Variants in BABAM2 observed in about 807,000 individuals in gnomAD.
BABAM2 encodes the protein BRISC and BRCA1 A complex member 2.
Under a neutral mutation model 54.7 loss-of-function variants are expected in BABAM2, and 31 were observed. That is an observed-to-expected ratio of 0.57 (90% CI 0.43 to 0.77). The LOEUF is 0.77. BABAM2 is among the 30% of genes least tolerant of loss of function. The pLI is 0.00. For missense variants in BABAM2, 364 were observed against 455.8 expected, an observed-to-expected ratio of 0.80 and a Z score of 1.83; for synonymous variants, 167 against 162.9, an observed-to-expected ratio of 1.03 and a Z score of -0.19.
At chr2:28,095,571 A>C (rs940826195) in intron 6 of BABAM2, among the ~76,000 whole-genome samples, 2 of 152,208 alleles carry the variant, frequency 1.3e-5, no homozygotes, top group African/African-American at 2.4e-5. Flanking sequence ...TCAACGTAAA[A>C]AAACAAACAA....
At chr2:27,942,672 T>G (rs1027478436) in intron 3 of BABAM2, among the ~76,000 whole-genome samples, 3 of 151,718 alleles carry the variant, frequency 2.0e-5, no homozygotes, top group Non-Finnish European at 4.4e-5. Flanking sequence ...CCGGCCTTGG[T>G]TTCTTAATGT....
Position 28,154,243 on chromosome 2 carries a change from A to G in BABAM2, c.680+24863A>G, listed in dbSNP as rs1672335619. Among the ~76,000 whole-genome samples, 4 of 152,360 alleles carry G rather than the reference A, an allele frequency of 2.6e-5. No individual in the cohort carries two copies. In the South Asian group the frequency reaches 6.2e-4, roughly 24 times the overall value. On this transcript the variant is annotated intron_variant, in intron 7 of 11. Transcript: ENST00000379624. Reference sequence around the variant, plus strand: ...TTAAAACTGAAGGCCTTAAAGTGCCATATTAAACAAAATAGGCAACACCTT... The same window carrying G: ...TTAAAACTGAAGGCCTTAAAGTGCCGTATTAAACAAAATAGGCAACACCTT...
Position 28,325,598 on chromosome 2 carries a change from A to T in BABAM2, c.1089-12852A>T, listed in dbSNP as rs1289164350. Among the ~76,000 whole-genome samples, 2 of 152,080 alleles carry T rather than the reference A, an allele frequency of 1.3e-5. No individual in the cohort carries two copies. The highest frequency in any genetic ancestry group is 4.8e-5 in the African/African-American group (2 of 41,382). ...CCCATTGAGTAGTTTCTTCTTTGGG[A>T]ATTGCTGCTTTTCTGTCTGAAAGCC... On this transcript the variant is annotated intron_variant, in intron 11 of 11. Coordinates refer to ENST00000379624, the MANE Select transcript of BABAM2 (RefSeq NM_199191.3). This position sits in a 1 kb window ranked among gnomAD's most constrained non-coding sequence, Gnocchi z 4.3.
At position 27,930,171 on chromosome 2, in the gene BABAM2, C is replaced by T. The variant is rs1234211827; in HGVS notation, c.205+263C>T. Reference sequence around the variant, plus strand: ...CGGTAATTTTTATGTGTTTTTTTCTCTATAGGCGGCTTTTACGTAATACTC... The same window carrying T: ...CGGTAATTTTTATGTGTTTTTTTCTTTATAGGCGGCTTTTACGTAATACTC... On this transcript the variant is annotated intron_variant, in intron 3 of 11. Transcript: ENST00000379624. 2.8e-5 allele frequency: 10 copies of T among 354,698 alleles called. No homozygotes were observed. The East Asian group carries it at 5.1e-4, about 18-fold the overall frequency. The allele number at this position is 354,698 out of a possible 1,614,324, so 22.0% of individuals were successfully genotyped here.
At chr2:28,118,994 A>G (rs1668835946) in intron 6 of BABAM2, among the ~76,000 whole-genome samples, 1 of 152,022 alleles carries the variant, frequency 6.6e-6, no homozygotes, top group Non-Finnish European at 1.5e-5. Flanking sequence ...TTTCCCCATT[A>G]CATGTTTTTG....
intron 10 of BABAM2, among the ~76,000 whole-genome samples, chr2:28,251,985 G>A (rs1683532430): frequency 1.3e-5 from 2 of 152,122 alleles, no homozygotes; most frequent in South Asian, 4.1e-4. Flanking sequence ...GAGGTCAGGA[G>A]TTCGAGATCA....
At chr2:27,920,050 T>C (rs1022986405) in intron 2 of BABAM2, among the ~76,000 whole-genome samples, 1 of 152,152 alleles carries the variant, frequency 6.6e-6, no homozygotes, top group Middle Eastern at 3.2e-3. Context: ...TCTAGGAGGG[T>C]CTAGCCATAG....
At chr2:28,046,654 G>A (rs941772176) in intron 6 of BABAM2, among the ~76,000 whole-genome samples, 2 of 151,982 alleles carry the variant, frequency 1.3e-5, no homozygotes, top group African/African-American at 4.8e-5. Flanking sequence ...CTTTGTACAA[G>A]TTTGCTTGCA....
At chr2:28,071,509 C>T (rs4530321) in intron 6 of BABAM2, among the ~76,000 whole-genome samples, 151,766 of 152,338 alleles carry the variant, frequency 1, 75,604 homozygotes, top group Middle Eastern at 1. Flanking sequence ...GCACATATTG[C>T]GTGATTGTCA....
chr2:28,295,716 C>G lies in BABAM2; in HGVS notation c.935-2622C>G, dbSNP rs9677445. Among the ~76,000 whole-genome samples the G allele has an allele frequency of 6.6e-5, 10 of 152,092 alleles. No homozygotes were observed. In the South Asian group the frequency reaches 2.1e-3, roughly 32 times the overall value. On this transcript the variant is annotated intron_variant, in intron 10 of 11. Transcript: ENST00000379624. Reference sequence around the variant, plus strand: ...TTCACCATGTTGGCCGGGCTGGTCTCGAACTCCTCACCTCAGGTAATCTGC... The same window carrying G: ...TTCACCATGTTGGCCGGGCTGGTCTGGAACTCCTCACCTCAGGTAATCTGC...
At chr2:28,263,127 G>T (rs1415101287) in intron 10 of BABAM2, among the ~76,000 whole-genome samples, 11 of 94,766 alleles carry the variant, frequency 1.2e-4, no homozygotes, top group Non-Finnish European at 1.5e-4. Context: ...GCAAGACACT[G>T]TCTCAAAAAA....
At chr2:27,935,717 G>A (rs1668436969) in intron 3 of BABAM2, among the ~76,000 whole-genome samples, 1 of 152,182 alleles carries the variant, frequency 6.6e-6, no homozygotes, top group African/African-American at 2.4e-5. Context: ...GTCGATTAAT[G>A]TGGCAGACTT....
At chr2:28,177,128 C>T (rs924105705) in intron 7 of BABAM2, among the ~76,000 whole-genome samples, 2 of 151,890 alleles carry the variant, frequency 1.3e-5, no homozygotes, top group Non-Finnish European at 2.9e-5. Context: ...TATCAAAAGC[C>T]AAAGACAGAA....
At chr2:28,040,616 G>A (rs1677028264) in intron 5 of BABAM2, among the ~76,000 whole-genome samples, 2 of 151,762 alleles carry the variant, frequency 1.3e-5, no homozygotes, top group South Asian at 4.2e-4. Flanking sequence ...CTGAATTCTT[G>A]AGTCTTAGCG....
intron 5 of BABAM2, among the ~76,000 whole-genome samples, chr2:28,035,125 T>G (rs1032867485): frequency 6.6e-6 from 1 of 152,184 alleles, no homozygotes; most frequent in African/African-American, 2.4e-5. Flanking sequence ...GCTAATATTT[T>G]AGATATATTG....
chr2:27,917,613 C>T (rs958421479), intron 2 of BABAM2, among the ~76,000 whole-genome samples: 1 of 152,134 alleles, frequency 6.6e-6, no homozygotes. Context: ...ACCTAGTCAG[C>T]TCTCAAAGGC....
chr2:28,116,149 G>A (rs1177838593), intron 6 of BABAM2, among the ~76,000 whole-genome samples: 2 of 151,974 alleles, frequency 1.3e-5, no homozygotes, highest in African/African-American at 2.4e-5. Context: ...AGACACCTTG[G>A]AGGAGCTTAA....
chr2:28,335,372 G>A (rs1691357249), intron 11 of BABAM2, among the ~76,000 whole-genome samples: 2 of 152,282 alleles, frequency 1.3e-5, no homozygotes, highest in Admixed American at 1.3e-4. Flanking sequence ...GTTTCGCCAT[G>A]TTGGCCAGGC....
At chr2:28,033,087 G>C (rs1676416345) in intron 5 of BABAM2, among the ~76,000 whole-genome samples, 1 of 152,088 alleles carries the variant, frequency 6.6e-6, no homozygotes, top group Non-Finnish European at 1.5e-5. Flanking sequence ...CTATTTTTAA[G>C]ATCATAATTT....
Sources: allele counts gnomAD v4.1 joint callset (sites outside exome capture counted in the v4.1 genomes callset), GRCh38; gene constraint gnomAD v4.1.1; non-coding constraint Gnocchi (gnomAD v3.1); transcripts MANE v1.5; gene names NCBI Gene and HGNC (gene_info 2026-07-23, HGNC 2026-07-21).